TMEM117: variants seen among roughly 807,000 people sequenced by gnomAD.
The protein encoded by TMEM117 is transmembrane protein 117.
Under a neutral mutation model 52.4 loss-of-function variants are expected in TMEM117, and 27 were observed. The observed-to-expected ratio is 0.51, with a 90% CI of 0.38 to 0.71. TMEM117 has a LOEUF of 0.71. TMEM117 is among the 30% of genes least tolerant of loss of function. The pLI, the probability that TMEM117 is intolerant of heterozygous loss-of-function variation, is 0.00. For missense variants in TMEM117, 556 were observed against 630.5 expected, an observed-to-expected ratio of 0.88 and a Z score of 1.26; for synonymous variants, 215 against 206.3, an observed-to-expected ratio of 1.04 and a Z score of -0.36.
At chr12:43,860,519 C>T (rs897790989) in intron 2 of TMEM117, among the ~76,000 whole-genome samples, 2 of 152,088 alleles carry the variant, frequency 1.3e-5, no homozygotes, top group African/African-American at 2.4e-5. Context: ...AGAGAGTTCC[C>T]GGAATTCCCT....
At chr12:44,374,667 T>C (rs1951916374) in intron 6 of TMEM117, among the ~76,000 whole-genome samples, 1 of 151,744 alleles carries the variant, frequency 6.6e-6, no homozygotes, top group Non-Finnish European at 1.5e-5. Context: ...TGTGTGTGTA[T>C]GAGATTTTTA....
chr12:44,137,427 A>G lies in TMEM117; in HGVS notation c.411-6098A>G, dbSNP rs546075126. 1.2e-4 allele frequency among the ~76,000 whole-genome samples: 19 copies of G among 152,262 alleles called. No individual in the cohort carries two copies. The South Asian group carries it at 3.5e-3, about 28-fold the overall frequency. ...GATTTCCTAGTAGGAGGAGGGCCTG[A>G]AAGAAGGAGATTCTGAAATGTAAGG... is the stretch of plus-strand genomic sequence containing the variant. On this transcript the variant is annotated intron_variant, in intron 3 of 7. Transcript: ENST00000266534.
intron 2 of TMEM117, among the ~76,000 whole-genome samples, chr12:43,845,322 G>A (rs947328633): frequency 4.0e-5 from 6 of 151,896 alleles, no homozygotes; most frequent in African/African-American, 1.5e-4. Context: ...ATAGCCAGGC[G>A]TGGTGGCACA....
chr12:44,222,899 G>A (rs1254989882), intron 5 of TMEM117, among the ~76,000 whole-genome samples: 1 of 152,102 alleles, frequency 6.6e-6, no homozygotes, highest in Non-Finnish European at 1.5e-5. Context: ...TTTCCAGAAT[G>A]CTACATTCTC....
chr12:43,914,675 C>T (rs978730099), intron 2 of TMEM117, among the ~76,000 whole-genome samples: 18 of 152,048 alleles, frequency 1.2e-4, no homozygotes, highest in Admixed American at 2.6e-4. Context: ...TCATGGTAGC[C>T]GTGCCTGCTC....
intron 5 of TMEM117, among the ~76,000 whole-genome samples, chr12:44,236,979 T>G (rs1307993330): frequency 1.3e-5 from 2 of 152,054 alleles, no homozygotes; most frequent in Non-Finnish European, 2.9e-5. Flanking sequence ...CAGCTTTCAT[T>G]TTGAATCATG....
chr12:44,291,012 T>C (rs959632840), intron 5 of TMEM117, among the ~76,000 whole-genome samples: 4 of 152,172 alleles, frequency 2.6e-5, no homozygotes, highest in African/African-American at 9.6e-5. Flanking sequence ...AGAAATGTTT[T>C]TCTGATTTCT....
chr12:44,217,300 A>T (rs1949730983), intron 5 of TMEM117, among the ~76,000 whole-genome samples: 1 of 152,080 alleles, frequency 6.6e-6, no homozygotes, highest in Admixed American at 6.6e-5. Context: ...AAACTAAGGG[A>T]TGTGGAGAGT....
At chr12:44,241,944 T>C (rs1950067982) in intron 5 of TMEM117, among the ~76,000 whole-genome samples, 2 of 151,964 alleles carry the variant, frequency 1.3e-5, no homozygotes. Context: ...TTTTTCGGAA[T>C]TTGCTTGGCT....
At chr12:43,860,162 A>G (rs1490082359) in intron 2 of TMEM117, among the ~76,000 whole-genome samples, 2 of 152,062 alleles carry the variant, frequency 1.3e-5, no homozygotes, top group Non-Finnish European at 2.9e-5. Flanking sequence ...TCCTAATGCT[A>G]TCCCTCCCCT....
intron 2 of TMEM117, among the ~76,000 whole-genome samples, chr12:43,857,960 G>A (rs983888429): frequency 1.3e-5 from 2 of 152,180 alleles, no homozygotes; most frequent in African/African-American, 4.8e-5. Context: ...CACGGTTCTG[G>A]ATAGAAGCAC....
At chr12:44,154,059 T>C (rs1240926806) in intron 4 of TMEM117, among the ~76,000 whole-genome samples, 1 of 152,032 alleles carries the variant, frequency 6.6e-6, no homozygotes, top group Non-Finnish European at 1.5e-5. Flanking sequence ...GCTGACAAAA[T>C]ATGTTAAGCT....
intron 3 of TMEM117, among the ~76,000 whole-genome samples, chr12:43,952,688 G>A (rs1945243683): frequency 6.6e-6 from 1 of 152,114 alleles, no homozygotes; most frequent in Non-Finnish European, 1.5e-5. Context: ...TGAAAGAGAT[G>A]GGGAAAATGG....
intron 5 of TMEM117, among the ~76,000 whole-genome samples, chr12:44,256,156 TATACAC>T (rs893533889): frequency 1.6e-4 from 24 of 151,836 alleles, no homozygotes; most frequent in African/African-American, 5.6e-4. Context: ...TGTGCATACA[TATACAC>T]ATACATACCC....
At chr12:44,008,219 C>T (rs1565790122) in intron 3 of TMEM117, among the ~76,000 whole-genome samples, 1 of 151,316 alleles carries the variant, frequency 6.6e-6, no homozygotes, top group Non-Finnish European at 1.5e-5. Context: ...TCTGTGAGCT[C>T]CCTTGAGAGG....
chr12:44,085,932 AAGAG>A (rs530043781), intron 3 of TMEM117, among the ~76,000 whole-genome samples: 9 of 152,152 alleles, frequency 5.9e-5, no homozygotes, highest in Non-Finnish European at 1.3e-4. Context: ...TTTCAGAAAA[AAGAG>A]AAGAGGATGA....
At chr12:44,379,641 T>A (rs1487140843) in intron 7 of TMEM117, among the ~76,000 whole-genome samples, 1 of 152,206 alleles carries the variant, frequency 6.6e-6, no homozygotes, top group Non-Finnish European at 1.5e-5. Flanking sequence ...CTTTTTACTT[T>A]ACCTGACTAC....
intron 3 of TMEM117, among the ~76,000 whole-genome samples, chr12:44,064,240 G>C (rs1395259605): frequency 6.6e-6 from 1 of 152,130 alleles, no homozygotes; most frequent in Non-Finnish European, 1.5e-5. Flanking sequence ...TGAATCAGTT[G>C]ACATTATTTC....
At chr12:44,354,888 CAT>C (rs1951623073) in intron 6 of TMEM117, among the ~76,000 whole-genome samples, 1 of 151,952 alleles carries the variant, frequency 6.6e-6, no homozygotes. Flanking sequence ...ACTATAAAGA[CAT>C]TAGTCACAGG....
Sources: allele counts gnomAD v4.1 joint callset (sites outside exome capture counted in the v4.1 genomes callset), GRCh38; gene constraint gnomAD v4.1.1; transcripts MANE v1.5; gene names NCBI Gene and HGNC (gene_info 2026-07-23, HGNC 2026-07-21).